Variants in TDRD7 observed in about 807,000 individuals in gnomAD.
The protein encoded by TDRD7 is tudor domain-containing protein 7.
Under a neutral mutation model 109.8 loss-of-function variants are expected in TDRD7, and 47 were observed. The observed-to-expected ratio is 0.43, with a 90% CI of 0.34 to 0.55. The LOEUF (loss-of-function observed/expected upper bound fraction) is 0.55, where lower values mean the gene tolerates loss of function less well. TDRD7 is among the 20% of genes least tolerant of loss of function. The pLI is 0.03. For missense variants in TDRD7, 1,164 were observed against 1,319.2 expected (o/e 0.88, Z 1.82); for synonymous variants, 424 against 457.3 (o/e 0.93, Z 0.93).
intron 16 of TDRD7, among the ~76,000 whole-genome samples, chr9:97,488,834 C>T (rs1446772391): frequency 6.6e-6 from 1 of 152,150 alleles, no homozygotes; most frequent in Non-Finnish European, 1.5e-5. Context: ...GGCTGCATCC[C>T]ACAAGTTTTG....
chr9:97,452,189 G>T (rs140540538), intron 6 of TDRD7, among the ~76,000 whole-genome samples: 99 of 152,144 alleles, frequency 6.5e-4, no homozygotes, highest in African/African-American at 2.2e-3. Context: ...ACTCTAGCCT[G>T]GGCAACGGAA....
intron 3 of TDRD7, among the ~76,000 whole-genome samples, 165 bp from the exon 4 acceptor site, chr9:97,431,860 C>G (rs1471047866): frequency 1.3e-5 from 2 of 152,188 alleles, no homozygotes; most frequent in Admixed American, 6.5e-5. Flanking sequence ...ACTCACCAAT[C>G]TATTCTTTCC....
intron 8 of TDRD7, among the ~76,000 whole-genome samples, 200 bp downstream of exon 8, chr9:97,465,228 G>C (rs1828802464): frequency 6.6e-6 from 1 of 152,158 alleles, no homozygotes; most frequent in Admixed American, 6.5e-5. Flanking sequence ...TATTATCTCA[G>C]AGTTTTAGTT....
At chr9:97,490,557 G>GGT (rs1564218111) in intron 16 of TDRD7, among the ~76,000 whole-genome samples, 1 of 140,704 alleles carries the variant, frequency 7.1e-6, no homozygotes, top group African/African-American at 2.5e-5. Flanking sequence ...GGTGGGGGGG[G>GGT]GGGCATTTAT....
intron 16 of TDRD7, among the ~76,000 whole-genome samples, chr9:97,492,232 G>A (rs531815130): frequency 1.3e-5 from 2 of 152,242 alleles, no homozygotes; most frequent in South Asian, 4.2e-4. Flanking sequence ...CTCTTTACAT[G>A]CCAGATCGGT....
chr9:97,459,487 A>G (rs1431112994), intron 6 of TDRD7, among the ~76,000 whole-genome samples: 1 of 152,226 alleles, frequency 6.6e-6, no homozygotes, highest in Non-Finnish European at 1.5e-5. Flanking sequence ...AAATTATGCC[A>G]TACATCAGTT....
At chr9:97,425,579 T>C (rs1424687717) in intron 1 of TDRD7, among the ~76,000 whole-genome samples, 8 of 152,058 alleles carry the variant, frequency 5.3e-5, no homozygotes, top group Admixed American at 5.2e-4. Context: ...TTTCTCAGAA[T>C]GTATCCCCAT....
rs1426802073 is a variant in TDRD7 at position 97,428,585 on chromosome 9, CT to C, written c.122del (p.Phe41SerfsTer4). ...GATCCTTGACTGGAGACTGGATCCCCTTCAAACAGCTAGGTTTCCCTACACT... is the reference window on the plus strand; with the variant it reads ...GATCCTTGACTGGAGACTGGATCCCCTCAAACAGCTAGGTTTCCCTACACT... ...YRSLTGDWIP[F>X]KQLGFPTLEA... On this transcript the variant is annotated frameshift_variant, in exon 2 of 17. Transcript: ENST00000355295. LOFTEE classifies it high-confidence loss of function. 3.1e-6 allele frequency: 5 copies of C among 1,613,924 alleles called. No individual in the cohort carries two copies. The highest frequency in any genetic ancestry group is 4.2e-6 in the Non-Finnish European group (5 of 1,179,966).
rs774805302 is a variant in TDRD7 at position 97,428,659 on chromosome 9, G to T, written c.194G>T (p.Ser65Ile). ...CCAGCAGTGGTCAGGATAGAGACTAGTAGATCTGGAGAGGTAAGAAGGTAA... is the reference window on the plus strand; with the variant it reads ...CCAGCAGTGGTCAGGATAGAGACTATTAGATCTGGAGAGGTAAGAAGGTAA... ...SVPAVVRIETSRSGEITCYAM... is the reference protein window; with the variant it reads ...SVPAVVRIETIRSGEITCYAM... Residue 65 changes from serine (S) to isoleucine (I), a missense_variant, in exon 2 of 17, where the codon AGT becomes ATT. Ser to Ile is a moderately radical substitution (Grantham distance 142). Around this residue, in one of 5 missense-constraint regions of TDRD7, gnomAD observed 101 missense variants for 148.5 expected, o/e 0.68. Transcript: ENST00000355295. The T allele has an allele frequency of 6.2e-7, 1 of 1,613,706 alleles. No homozygotes were observed. The highest frequency in any genetic ancestry group is 1.7e-5 in the Admixed American group (1 of 60,002).
intron 16 of TDRD7, among the ~76,000 whole-genome samples, chr9:97,493,757 C>T (rs568186291): frequency 6.6e-6 from 1 of 152,290 alleles, no homozygotes; most frequent in South Asian, 2.1e-4. Flanking sequence ...CAGAGGCCTA[C>T]CCTCAGGGAC....
intron 16 of TDRD7, among the ~76,000 whole-genome samples, chr9:97,493,566 G>A (rs1022419365): frequency 9.2e-5 from 14 of 152,174 alleles, no homozygotes; most frequent in African/African-American, 2.9e-4. Context: ...TCGGGCACAC[G>A]TTGTCATTGA....
Position 97,478,601 on chromosome 9 carries a change from G to T in TDRD7, c.2301+28G>T, listed in dbSNP as rs761363869. 3 of 1,613,372 alleles carry T rather than the reference G, an allele frequency of 1.9e-6. No individual in the cohort carries two copies. The South Asian group carries it at 3.3e-5, about 18-fold the overall frequency. ...ACTATGTTACCAGCCTGGGAGATTT[G>T]CTGGAACAGATTTGGATGTGTTCAT... On this transcript the variant is annotated intron_variant, in intron 13 of 16. Coordinates refer to ENST00000355295, the MANE Select transcript of TDRD7 (RefSeq NM_014290.3).
intron 1 of TDRD7, among the ~76,000 whole-genome samples, chr9:97,418,999 A>G (rs138773043): frequency 6.6e-6 from 1 of 152,188 alleles, no homozygotes; most frequent in Non-Finnish European, 1.5e-5. Flanking sequence ...TGGCAGGGGA[A>G]TATAAAGTAG....
intron 4 of TDRD7, among the ~76,000 whole-genome samples, chr9:97,435,384 C>T (rs1828176360): frequency 6.6e-6 from 1 of 151,502 alleles, no homozygotes; most frequent in African/African-American, 2.4e-5. Context: ...AATTCCAACA[C>T]TTTAGGAGGC....
intron 7 of TDRD7, among the ~76,000 whole-genome samples, chr9:97,462,827 T>C (rs1178067422): frequency 6.6e-6 from 1 of 152,202 alleles, no homozygotes. Flanking sequence ...CCTCCTTCTC[T>C]CCTGGCTGCT....
intron 1 of TDRD7, among the ~76,000 whole-genome samples, chr9:97,427,036 A>ATGTGGACAT (rs1160368088): frequency 1.3e-5 from 2 of 152,212 alleles, no homozygotes; most frequent in Non-Finnish European, 2.9e-5. Flanking sequence ...TCAGAGCCAT[A>ATGTGGACAT]TGTGGACATT....
At position 97,472,409 on chromosome 9, in the gene TDRD7, T is replaced by C; in HGVS notation, c.1858T>C (p.Tyr620His). 1 of 1,613,972 alleles carries C rather than the reference T, an allele frequency of 6.2e-7. No individual in the cohort carries two copies. The highest frequency in any genetic ancestry group is 8.5e-7 in the Non-Finnish European group (1 of 1,179,904). The part of the protein sequence containing the change: ...DKADIPLVVL[Y>H]DTSGEDDINI... The stretch of plus-strand genomic sequence containing the variant: ...AGCTGACATTCCACTTGTTGTTCTG[T>C]ACGATACCTCAGGAGAAGATGATAT... The change falls in exon 10 of 17, where the codon TAC becomes CAC. Residue 620 changes from tyrosine to histidine, a missense_variant. By Grantham distance (83) the Tyr-to-His change is moderately conservative. Coordinates refer to ENST00000355295, the MANE Select transcript of TDRD7 (RefSeq NM_014290.3).
intron 7 of TDRD7, among the ~76,000 whole-genome samples, chr9:97,463,975 T>C (rs147995873): frequency 0.012 from 1,884 of 152,338 alleles, 17 homozygotes; most frequent in Non-Finnish European, 0.019. Context: ...GTGTCAACGT[T>C]GTGTTTAGTG....
intron 15 of TDRD7, 92 bp from the exon 16 acceptor site, chr9:97,487,080 A>G (rs150488448): frequency 1.0e-5 from 14 of 1,366,506 alleles, no homozygotes; most frequent in Middle Eastern, 2.0e-4. Flanking sequence ...ATTTGCATTA[A>G]TTTTTCTTTT....
Sources: allele counts gnomAD v4.1 joint callset (sites outside exome capture counted in the v4.1 genomes callset), GRCh38; gene constraint gnomAD v4.1.1; regional missense constraint gnomAD v4.1.1; transcripts MANE v1.5; gene names NCBI Gene and HGNC (gene_info 2026-07-23, HGNC 2026-07-21).